ARHGAP20: variants seen among roughly 807,000 people sequenced by gnomAD.
ARHGAP20 encodes Rho GTPase activating protein 20.
ARHGAP20 carries 34 observed loss-of-function variants against 73.7 expected under a neutral mutation model. The observed-to-expected ratio is 0.46, with a 90% CI of 0.35 to 0.61. The LOEUF is 0.61. ARHGAP20 is among the 20% of genes least tolerant of loss of function. ARHGAP20 has a pLI of 0.00. For missense variants in ARHGAP20, 1,314 were observed against 1,420.9 expected, an observed-to-expected ratio of 0.92 and a Z score of 1.21; for synonymous variants, 523 against 518.2, an observed-to-expected ratio of 1.01 and a Z score of -0.13.
rs371399145 is a variant in ARHGAP20, at chr11:110,692,729, T to C, written c.106-2100A>G. On this transcript the variant is annotated intron_variant, in intron 1 of 14. Transcript: ENST00000683387. ...GCCTATGAAACAGGATAAAATGATC[T>C]GAGATTCTTCATTTAGAAACAGTAA... Among the ~76,000 whole-genome samples the C allele has an allele frequency of 4.6e-5, 7 of 152,206 alleles. No individual in the cohort carries two copies. In the East Asian group the frequency reaches 1.2e-3, roughly 25 times the overall value.
Position 110,706,178 on chromosome 11 carries a change from T to C in ARHGAP20, c.105+5949A>G, listed in dbSNP as rs368565188. Among the ~76,000 whole-genome samples, 8 of 152,206 alleles carry C rather than the reference T, an allele frequency of 5.3e-5. No individual in the cohort carries two copies. The South Asian group carries it at 8.3e-4, about 16-fold the overall frequency. ...TGTACTTTTCTCAGCTGGTTATATA[T>C]AATTTAAACCTACTCTCCCCTGTAT... On this transcript the variant is annotated intron_variant, in intron 1 of 14. Transcript: ENST00000683387.
intron 2 of ARHGAP20, among the ~76,000 whole-genome samples, chr11:110,663,557 C>T (rs1949660587): frequency 6.6e-6 from 1 of 151,870 alleles, no homozygotes; most frequent in Admixed American, 6.6e-5. Flanking sequence ...AAAGAAACAA[C>T]CTGAATAGTA....
rs374524140 is a variant in ARHGAP20, at chr11:110,614,431, T to C, written c.630+130A>G. ...AAATGCATTTTCCCCCTGTGGTATTTCTAAATGCCTACCTTCCATAGCACA... is the reference window on the plus strand; with the variant it reads ...AAATGCATTTTCCCCCTGTGGTATTCCTAAATGCCTACCTTCCATAGCACA... On this transcript the variant is annotated intron_variant, in intron 6 of 14. Coordinates refer to ENST00000683387, the MANE Select transcript of ARHGAP20 (RefSeq NM_001384657.1). 5.2e-5 allele frequency: 38 copies of C among 734,714 alleles called. No individual in the cohort carries two copies. In the East Asian group the frequency reaches 1.0e-3, roughly 19 times the overall value. 45.5% of individuals were successfully genotyped at this position (734,714 alleles called of 1,614,324 possible). A position where few individuals can be genotyped will look rare whatever the true frequency, so the allele number is the denominator to read the frequency against.
Position 110,630,660 on chromosome 11 carries a change from T to C in ARHGAP20, c.321A>G (p.Leu107=), listed in dbSNP as rs1459723807. The change falls in exon 3 of 15, where the codon CTA becomes CTG. Residue 107 remains leucine, a synonymous_variant. Transcript: ENST00000683387. The stretch of plus-strand genomic sequence containing the variant: ...TGGCCACAACAAACAGATCATTGAA[T>C]AGGAAAAGATGCCGCTCCTGCCTCT... The part of the protein sequence containing the change: ...GLQRQERHLF[L]FNDLFVVAKI... The C allele has an allele frequency of 5.0e-6, 8 of 1,614,064 alleles. No individual in the cohort carries two copies. The highest frequency in any genetic ancestry group is 6.8e-6 in the Non-Finnish European group (8 of 1,179,960).
intron 2 of ARHGAP20, among the ~76,000 whole-genome samples, chr11:110,638,021 T>C (rs1305555583): frequency 6.6e-6 from 1 of 152,040 alleles, no homozygotes; most frequent in Non-Finnish European, 1.5e-5. Context: ...GGCTTAGATT[T>C]TATTTGGAAG....
intron 2 of ARHGAP20, among the ~76,000 whole-genome samples, chr11:110,661,323 G>A (rs1949607018): frequency 6.6e-6 from 1 of 152,060 alleles, no homozygotes; most frequent in African/African-American, 2.4e-5. Flanking sequence ...CACAGTGGGG[G>A]AAAAACAGCA....
Position 110,703,637 on chromosome 11 carries a change from G to A in ARHGAP20, c.105+8490C>T, listed in dbSNP as rs186267235. ...AGTGCTGTATATAAATAAATATAAG[G>A]ATATTAGAATTTCCCTTATACATTA... On this transcript the variant is annotated intron_variant, in intron 1 of 14. Coordinates refer to ENST00000683387, the MANE Select transcript of ARHGAP20 (RefSeq NM_001384657.1). Among the ~76,000 whole-genome samples the A allele has an allele frequency of 3.3e-3, 495 of 152,124 alleles. 8 individuals are homozygous for A. Among genetic ancestry groups the A allele is most frequent in the Middle Eastern group, 0.027 (8 of 294 alleles).
At chr11:110,609,243 C>T in intron 7 of ARHGAP20, among the ~76,000 whole-genome samples, 193 bp from the exon 8 acceptor site, 1 of 152,016 alleles carries the variant, frequency 6.6e-6, no homozygotes, top group East Asian at 1.9e-4. Context: ...CATAGCTGGG[C>T]CCCTTTATAA....
At chr11:110,599,870 C>T (rs929806938) in intron 9 of ARHGAP20, among the ~76,000 whole-genome samples, 2 of 151,920 alleles carry the variant, frequency 1.3e-5, no homozygotes, top group Admixed American at 6.5e-5. Context: ...CTCAGAGCTG[C>T]ACAGATGATG....
intron 1 of ARHGAP20, among the ~76,000 whole-genome samples, chr11:110,706,248 A>G (rs545817416): frequency 6.6e-6 from 1 of 152,284 alleles, no homozygotes; most frequent in East Asian, 1.9e-4. Flanking sequence ...TCTCGTTGAA[A>G]AGAGAAATGG....
At chr11:110,652,321 C>G (rs1003300864) in intron 2 of ARHGAP20, among the ~76,000 whole-genome samples, 54 of 152,102 alleles carry the variant, frequency 3.6e-4, no homozygotes, top group African/African-American at 1.2e-3. Context: ...TTTGGAAAAC[C>G]AGCACATGAC....
In ARHGAP20 at chr11:110,696,817, T is replaced by C. The variant is rs545722625; in HGVS notation, c.106-6188A>G. Among the ~76,000 whole-genome samples, 28 of 151,914 alleles carry C rather than the reference T, an allele frequency of 1.8e-4. No individual in the cohort carries two copies. In the South Asian group the frequency reaches 4.8e-3, roughly 26 times the overall value. On this transcript the variant is annotated intron_variant, in intron 1 of 14. Coordinates refer to ENST00000683387, the MANE Select transcript of ARHGAP20 (RefSeq NM_001384657.1). ...TAGATCCCACTTATTAGTGAGAATA[T>C]GTGGTATTTAATTTTCTGTTCTGAG...
intron 2 of ARHGAP20, among the ~76,000 whole-genome samples, chr11:110,664,742 A>G (rs975684813): frequency 9.9e-5 from 15 of 151,644 alleles, no homozygotes; most frequent in South Asian, 2.1e-4. Flanking sequence ...AAAAAAAAAA[A>G]AAAGAAAAAA....
intron 2 of ARHGAP20, among the ~76,000 whole-genome samples, chr11:110,639,202 T>C (rs1280241260): frequency 6.6e-6 from 1 of 151,358 alleles, no homozygotes; most frequent in Non-Finnish European, 1.5e-5. Flanking sequence ...CTAGTAGAGG[T>C]TGGAAACCGC....
intron 2 of ARHGAP20, among the ~76,000 whole-genome samples, chr11:110,634,490 T>C (rs1391081055): frequency 6.6e-6 from 1 of 152,148 alleles, no homozygotes; most frequent in Non-Finnish European, 1.5e-5. Flanking sequence ...TAAAAAATTC[T>C]ATGTAGTCTT....
At chr11:110,648,157 ATATATATATAT>A in intron 2 of ARHGAP20, among the ~76,000 whole-genome samples, 1 of 79,666 alleles carries the variant, frequency 1.3e-5, no homozygotes, top group South Asian at 5.1e-4. Context: ...TATATATAAT[ATATATATATAT>A]GTAAATATAT....
intron 9 of ARHGAP20, among the ~76,000 whole-genome samples, chr11:110,599,279 G>A (rs935565677): frequency 5.9e-5 from 9 of 152,338 alleles, no homozygotes; most frequent in Non-Finnish European, 1.0e-4. Flanking sequence ...CCTGCTGTCG[G>A]CACCTGCTCT....
At chr11:110,607,313 T>C (rs1461361629) in intron 8 of ARHGAP20, among the ~76,000 whole-genome samples, 2 of 152,174 alleles carry the variant, frequency 1.3e-5, no homozygotes, top group African/African-American at 4.8e-5. Flanking sequence ...TATGCTTCCC[T>C]CTCACTGCTG....
At chr11:110,622,192 C>T (rs996620087) in intron 4 of ARHGAP20, among the ~76,000 whole-genome samples, 1 of 152,174 alleles carries the variant, frequency 6.6e-6, no homozygotes, top group African/African-American at 2.4e-5. Context: ...TGTCCTACAC[C>T]ATGATGTAAC....
Sources: allele counts gnomAD v4.1 joint callset (sites outside exome capture counted in the v4.1 genomes callset), GRCh38; gene constraint gnomAD v4.1.1; transcripts MANE v1.5; gene names NCBI Gene and HGNC (gene_info 2026-07-23, HGNC 2026-07-21).